The following OLFM3 variants were observed in gnomAD, a reference collection of about 807,000 sequenced individuals.
OLFM3 encodes noelin-3.
OLFM3 carries 20 observed loss-of-function variants against 48.6 expected under a neutral mutation model. The ratio of observed to expected loss-of-function variants is 0.41; its 90% CI spans 0.29 to 0.60. The LOEUF (loss-of-function observed/expected upper bound fraction) is 0.60. Ranked by LOEUF, OLFM3 falls within the 20% of genes least tolerant of loss-of-function variation. The pLI, the probability that OLFM3 is intolerant of heterozygous loss-of-function variation, is 0.28. For synonymous variants in OLFM3, 222 were observed against 198.1 expected (o/e 1.12, Z -1.01); for missense variants, 437 against 544.3 (o/e 0.80, Z 1.96).
chr1:101,905,151 A>T (rs548934890), intron 1 of OLFM3, among the ~76,000 whole-genome samples: 1 of 152,246 alleles, frequency 6.6e-6, no homozygotes, highest in Non-Finnish European at 1.5e-5. Context: ...GTCTTCAATC[A>T]GCTACTCTTA....
intron 1 of OLFM3, among the ~76,000 whole-genome samples, chr1:101,869,478 C>T (rs927935631): frequency 2.6e-5 from 4 of 152,124 alleles, no homozygotes; most frequent in Non-Finnish European, 4.4e-5. Context: ...TTTACAGGCT[C>T]ATGGGTGGAA....
intron 1 of OLFM3, among the ~76,000 whole-genome samples, chr1:101,932,137 C>T (rs959715757): frequency 6.6e-6 from 1 of 152,082 alleles, no homozygotes; most frequent in African/African-American, 2.4e-5. Context: ...TGTGGAAATA[C>T]TATATTCTCT....
At chr1:101,910,337 G>T (rs370804476) in intron 1 of OLFM3, among the ~76,000 whole-genome samples, 2 of 152,070 alleles carry the variant, frequency 1.3e-5, no homozygotes, top group Non-Finnish European at 1.5e-5. Context: ...GTGGTAGCGG[G>T]CGCCTGTAAT....
intron 1 of OLFM3, among the ~76,000 whole-genome samples, chr1:101,919,138 A>G (rs921442913): frequency 6.6e-6 from 1 of 152,210 alleles, no homozygotes; most frequent in South Asian, 2.1e-4. Context: ...ATTTGGTTCT[A>G]CAGAAATTTC....
intron 1 of OLFM3, among the ~76,000 whole-genome samples, chr1:101,844,481 A>G (rs898735416): frequency 6.6e-6 from 1 of 152,194 alleles, no homozygotes. Flanking sequence ...GGAGGTAGTC[A>G]TGTAACTTGG....
intron 1 of OLFM3, among the ~76,000 whole-genome samples, chr1:101,993,422 G>T (rs1661470725): frequency 6.6e-6 from 1 of 152,018 alleles, no homozygotes; most frequent in Non-Finnish European, 1.5e-5. Flanking sequence ...TCCCTACACA[G>T]AAATAGTTCT....
At chr1:101,830,905 C>A in intron 2 of OLFM3, 78 bp from the exon 3 acceptor site, 2 of 1,345,792 alleles carry the variant, frequency 1.5e-6, no homozygotes, top group East Asian at 2.4e-5. Context: ...GCAAAAATGC[C>A]GTTAACATAA....
At chr1:101,853,792 T>C (rs1570564532) in intron 1 of OLFM3, among the ~76,000 whole-genome samples, 2 of 152,222 alleles carry the variant, frequency 1.3e-5, no homozygotes, top group South Asian at 4.1e-4. Context: ...GATGGACCTA[T>C]ACGTGGGTAA....
At chr1:101,837,220 T>C (rs112327497) in intron 1 of OLFM3, among the ~76,000 whole-genome samples, 195 bp from the exon 2 acceptor site, 13 of 152,318 alleles carry the variant, frequency 8.5e-5, no homozygotes, top group Admixed American at 2.6e-4. Context: ...CTTATCAATG[T>C]CCAAAACAAG....
intron 1 of OLFM3, among the ~76,000 whole-genome samples, chr1:101,930,943 T>C (rs1450641340): frequency 6.6e-6 from 1 of 152,226 alleles, no homozygotes; most frequent in Non-Finnish European, 1.5e-5. Context: ...AATGGGAATG[T>C]GCATACCTCA....
At chr1:101,949,863 G>A (rs1660072846) in intron 1 of OLFM3, among the ~76,000 whole-genome samples, 1 of 149,664 alleles carries the variant, frequency 6.7e-6, no homozygotes, top group Non-Finnish European at 1.5e-5. Flanking sequence ...CCGGGAGGCG[G>A]AGCTTGCAGT....
At chr1:101,974,748 T>C (rs1420464287) in intron 1 of OLFM3, among the ~76,000 whole-genome samples, 2 of 152,106 alleles carry the variant, frequency 1.3e-5, no homozygotes, top group Admixed American at 6.6e-5. Context: ...AAATACTAGA[T>C]AGTTTTGACA....
chr1:101,958,568 A>T (rs2101080205), intron 1 of OLFM3, among the ~76,000 whole-genome samples: 1 of 152,192 alleles, frequency 6.6e-6, no homozygotes, highest in South Asian at 2.1e-4. Context: ...TTTCTTCAGA[A>T]TATGCATGCT....
At chr1:101,897,838 G>A (rs565820480) in intron 1 of OLFM3, among the ~76,000 whole-genome samples, 2 of 152,152 alleles carry the variant, frequency 1.3e-5, no homozygotes, top group South Asian at 2.1e-4. Context: ...GATTTCTAGA[G>A]TAAACAGAAC....
chr1:101,918,587 G>T (rs1450754400), intron 1 of OLFM3, among the ~76,000 whole-genome samples: 3 of 132,746 alleles, frequency 2.3e-5, no homozygotes, highest in East Asian at 2.2e-4. Context: ...AACTTATAAG[G>T]TGCTTTTCCA....
intron 1 of OLFM3, among the ~76,000 whole-genome samples, chr1:101,965,241 A>AC (rs1224592408): frequency 2.0e-5 from 3 of 152,162 alleles, no homozygotes; most frequent in African/African-American, 7.2e-5. Context: ...TAGTATATAA[A>AC]CCCCCAGGCT....
At chr1:101,840,639 T>C (rs1270284621) in intron 1 of OLFM3, among the ~76,000 whole-genome samples, 1 of 152,010 alleles carries the variant, frequency 6.6e-6, no homozygotes, top group East Asian at 1.9e-4. Flanking sequence ...CCCAGTTAAT[T>C]TTTGTATCTT....
intron 3 of OLFM3, among the ~76,000 whole-genome samples, chr1:101,827,821 A>G (rs1196808288): frequency 6.6e-6 from 1 of 152,052 alleles, no homozygotes; most frequent in East Asian, 1.9e-4. Flanking sequence ...AAATTACTCA[A>G]CCTCTTTGAT....
chr1:101,970,802 T>A (rs973325295), intron 1 of OLFM3, among the ~76,000 whole-genome samples: 2 of 152,168 alleles, frequency 1.3e-5, no homozygotes, highest in Non-Finnish European at 2.9e-5. Context: ...ACAATTTGAG[T>A]TGAAGCATGG....
Sources: allele counts gnomAD v4.1 joint callset (sites outside exome capture counted in the v4.1 genomes callset), GRCh38; gene constraint gnomAD v4.1.1; transcripts MANE v1.5; gene names NCBI Gene and HGNC (gene_info 2026-07-23, HGNC 2026-07-21).